YPEL1: variants seen among roughly 807,000 people sequenced by gnomAD.
YPEL1 encodes yippee like 1.
Under a neutral mutation model 17.3 loss-of-function variants are expected in YPEL1, and 7 were observed. The ratio of observed to expected loss-of-function variants is 0.40; its 90% CI spans 0.23 to 0.76. The LOEUF (loss-of-function observed/expected upper bound fraction) is 0.76. Among genes scored for constraint, YPEL1 ranks in the 30% least tolerant of loss-of-function variants. The pLI is 0.35. For missense variants in YPEL1, 91 were observed against 155.5 expected, an observed-to-expected ratio of 0.59 and a Z score of 2.21; for synonymous variants, 59 against 59.6, an observed-to-expected ratio of 0.99 and a Z score of 0.05.
rs531441234 is a variant in YPEL1 at position 21,701,354 on chromosome 22, G to A, written c.271-136C>T. The stretch of plus-strand genomic sequence containing the variant: ...TGTTCCCTGAGCGGTGCACTCATCC[G>A]GCGCTGGGAGGGTCTGTTCCAGGTG... On this transcript the variant is annotated intron_variant, in intron 4 of 4. Coordinates refer to ENST00000339468, the MANE Select transcript of YPEL1 (RefSeq NM_013313.5). 52 of 604,080 alleles carry A rather than the reference G, an allele frequency of 8.6e-5. No homozygotes were observed. In the South Asian group the frequency reaches 1.0e-3, roughly 12 times the overall value. The allele number at this position is 604,080 out of a possible 1,614,324, so 37.4% of individuals were successfully genotyped here. A position where few individuals can be genotyped will look rare whatever the true frequency, so the allele number is the denominator to read the frequency against.
chr22:21,715,363 G>A (rs1368109247), intron 1 of YPEL1, among the ~76,000 whole-genome samples: 5 of 151,678 alleles, frequency 3.3e-5, no homozygotes, highest in East Asian at 2.0e-4. Flanking sequence ...GCGTGGTGGC[G>A]TGCGCCTGTA....
intron 1 of YPEL1, among the ~76,000 whole-genome samples, chr22:21,720,747 C>T (rs893560872): frequency 2.8e-4 from 43 of 150,956 alleles, no homozygotes; most frequent in Admixed American, 7.9e-4. Context: ...GCCTTGGCCT[C>T]CCACCCACCA....
At chr22:21,728,518 C>T (rs986542261) in intron 1 of YPEL1, among the ~76,000 whole-genome samples, 1 of 152,128 alleles carries the variant, frequency 6.6e-6, no homozygotes, top group African/African-American at 2.4e-5. Flanking sequence ...ATTAGCCCCA[C>T]GATGCACATG....
rs3051705 is a variant in YPEL1, at chr22:21,703,717, G to GGGA, written c.161+121_161+122insTCC. 10 of 1,136,234 alleles carry GGGA rather than the reference G, an allele frequency of 8.8e-6. No homozygotes were observed. The highest frequency in any genetic ancestry group is 2.6e-5 in the Admixed American group (1 of 39,138). The allele number at this position is 1,136,234 out of a possible 1,614,324, so 70.4% of individuals were successfully genotyped here. On this transcript the variant is annotated intron_variant, in intron 3 of 4. Transcript: ENST00000339468. The surrounding 1 kb of genome is among the most constrained non-coding windows in gnomAD (Gnocchi z 6.1). ...GCGTTTCAGAAACTCCCGGCGGGGGGATGGTGGGTTCTTTCAGGACCCCTA... is the reference window on the plus strand; with the variant it reads ...GCGTTTCAGAAACTCCCGGCGGGGGGGGAATGGTGGGTTCTTTCAGGACCCCTA...
intron 2 of YPEL1, among the ~76,000 whole-genome samples, chr22:21,707,894 T>C (rs2068128683): frequency 6.6e-6 from 1 of 152,216 alleles, no homozygotes; most frequent in Non-Finnish European, 1.5e-5. Context: ...ACAGCTGTGA[T>C]CTATTAAAAC....
intron 1 of YPEL1, among the ~76,000 whole-genome samples, chr22:21,721,625 T>C (rs2068285002): frequency 6.6e-6 from 1 of 152,182 alleles, no homozygotes; most frequent in Admixed American, 6.5e-5. Context: ...GGTTTCGCCA[T>C]GTTGGCTAGG....
At chr22:21,716,708 C>T (rs1434084547) in intron 1 of YPEL1, among the ~76,000 whole-genome samples, 1 of 152,244 alleles carries the variant, frequency 6.6e-6, no homozygotes, top group African/African-American at 2.4e-5. Flanking sequence ...TGAAAAATTC[C>T]CACAAAGTCA....
rs993046059 is a variant in YPEL1, at chr22:21,704,004, C to T, written c.118-122G>A. ...CTGCGCCGGGACGCGTCACCGGGAG[C>T]AGACACCGGCGTCCCCCCTCCAGAA... On this transcript the variant is annotated intron_variant, in intron 2 of 4. Coordinates refer to ENST00000339468, the MANE Select transcript of YPEL1 (RefSeq NM_013313.5). 99 of 1,072,728 alleles carry T rather than the reference C, an allele frequency of 9.2e-5. 1 individual carries two copies. The highest frequency in any genetic ancestry group is 1.3e-4 in the East Asian group (5 of 38,758). 66.5% of individuals were successfully genotyped at this position (1,072,728 alleles called of 1,614,324 possible).
chr22:21,705,663 A>G (rs1208635253), intron 2 of YPEL1, among the ~76,000 whole-genome samples: 1 of 152,198 alleles, frequency 6.6e-6, no homozygotes, highest in Non-Finnish European at 1.5e-5. Flanking sequence ...TTGAGTGTAT[A>G]AGGAAATGTG....
At chr22:21,727,463 T>A (rs1417602465) in intron 1 of YPEL1, among the ~76,000 whole-genome samples, 2 of 152,226 alleles carry the variant, frequency 1.3e-5, no homozygotes, top group Non-Finnish European at 2.9e-5. Flanking sequence ...TCTCGGACAC[T>A]GTGTGTCCCC....
At chr22:21,701,425 G>A (rs1601622215) in intron 4 of YPEL1, among the ~76,000 whole-genome samples, 1 of 152,158 alleles carries the variant, frequency 6.6e-6, no homozygotes, top group Non-Finnish European at 1.5e-5. Context: ...GTTGTTAAAG[G>A]TTTTTCATGT....
chr22:21,716,979 A>G lies in YPEL1; in HGVS notation c.-164-6071T>C, dbSNP rs1471770927. Among the ~76,000 whole-genome samples the G allele has an allele frequency of 4.6e-5, 7 of 152,364 alleles. No individual in the cohort carries two copies. In the East Asian group the frequency reaches 1.3e-3, roughly 29 times the overall value. ...AACAGGTGTAGACATTCTAGAAATA[A>G]ACAGCATTCAGCCCAATGGGTTTAA... On this transcript the variant is annotated intron_variant, in intron 1 of 4. Transcript: ENST00000339468.
intron 1 of YPEL1, among the ~76,000 whole-genome samples, chr22:21,730,066 T>C (rs1007429851): frequency 1.3e-5 from 2 of 151,668 alleles, no homozygotes; most frequent in Non-Finnish European, 2.9e-5. Context: ...GCGGGAGAAC[T>C]GCTTGAACCC....
At chr22:21,725,388 T>G (rs1233910410) in intron 1 of YPEL1, among the ~76,000 whole-genome samples, 1 of 151,820 alleles carries the variant, frequency 6.6e-6, no homozygotes, top group Non-Finnish European at 1.5e-5. Flanking sequence ...CCCGGCTAAT[T>G]TTTTGTATTT....
At position 21,726,529 on chromosome 22, in the gene YPEL1, G is replaced by A. The variant is rs915956946; in HGVS notation, c.-165+9086C>T. Among the ~76,000 whole-genome samples the A allele has an allele frequency of 9.2e-5, 14 of 152,298 alleles. No homozygotes were observed. The Middle Eastern group carries it at 0.01, about 111-fold the overall frequency. ...TGGCCTGAGAGGGAGGAGCATCAGC[G>A]GAGGACAGTCCAGTCCCCAGGAGGG... On this transcript the variant is annotated intron_variant, in intron 1 of 4. Transcript: ENST00000339468.
chr22:21,732,775 T>C (rs1019120895), intron 1 of YPEL1, among the ~76,000 whole-genome samples: 3 of 151,868 alleles, frequency 2.0e-5, no homozygotes, highest in Non-Finnish European at 4.4e-5. Flanking sequence ...AGTGGGACTC[T>C]GTCTCAAAAA....
intron 1 of YPEL1, among the ~76,000 whole-genome samples, chr22:21,728,922 C>T (rs958283436): frequency 1.3e-5 from 2 of 152,112 alleles, no homozygotes; most frequent in African/African-American, 2.4e-5. Flanking sequence ...GCGGGTGGAT[C>T]ACCTGAAGTC....
intron 2 of YPEL1, chr22:21,704,133 T>C (rs935910791): frequency 2.8e-6 from 2 of 718,248 alleles, no homozygotes; most frequent in Non-Finnish European, 5.2e-6. Flanking sequence ...TGACTATTAT[T>C]GGGAATCATG....
chr22:21,714,046 G>C (rs9607194), intron 1 of YPEL1, among the ~76,000 whole-genome samples: 242 of 130,700 alleles, frequency 1.9e-3, no homozygotes, highest in African/African-American at 5.1e-3. Flanking sequence ...ACCCCCCACC[G>C]CCCCCCACCC....
Sources: gnomAD v4.1 joint callset for allele counts (sites outside exome capture counted in the v4.1 genomes callset) on GRCh38, gnomAD v4.1.1 for gene constraint, Gnocchi (gnomAD v3.1) non-coding constraint, MANE v1.5 for transcripts, NCBI Gene and HGNC (gene_info 2026-07-23, HGNC 2026-07-21) for gene names.